The following FBRS variants were observed in gnomAD, a reference collection of about 807,000 sequenced individuals.
FBRS encodes the protein fibrosin, also known as probable fibrosin-1.
A neutral mutation model predicts 86.1 loss-of-function variants in FBRS; 15 were observed. That is an observed-to-expected ratio of 0.17 (90% CI 0.12 to 0.27). The LOEUF is 0.27. FBRS is among the 10% of genes least tolerant of loss of function. The pLI, the probability that FBRS is intolerant of heterozygous loss-of-function variation, is 1.00. For missense variants in FBRS, 1,367 were observed against 1,301.6 expected, an observed-to-expected ratio of 1.05 and a Z score of -0.77; for synonymous variants, 666 against 575.8, an observed-to-expected ratio of 1.16 and a Z score of -2.24.
rs2052581378 is a variant in FBRS, at chr16:30,670,280, A to C, written c.*635A>C. ...GGGACAGTCAGGCTTCTCCCTGGGA[A>C]GGTGGGGCCAGCAGGAGATGACCAA... On this transcript the variant is annotated 3_prime_UTR_variant, in exon 18 of 18. Transcript: ENST00000356166. 1 of 445,722 alleles carries C rather than the reference A, an allele frequency of 2.2e-6. No homozygotes were observed. The highest frequency in any genetic ancestry group is 1.6e-5 in the South Asian group (1 of 63,474). The allele number at this position is 445,722 out of a possible 1,614,324, so 27.6% of individuals were successfully genotyped here.
At chr16:30,666,457 C>G in intron 11 of FBRS, 55 bp from the exon 12 acceptor site, 1 of 1,611,958 alleles carries the variant, frequency 6.2e-7, no homozygotes, top group Non-Finnish European at 8.5e-7. Flanking sequence ...ATGCGAGGCG[C>G]CTGGCCCAGG....
chr16:30,661,393 A>C, intron 4 of FBRS, 60 bp downstream of exon 4: 3 of 1,550,570 alleles, frequency 1.9e-6, no homozygotes, highest in Non-Finnish European at 2.6e-6. Flanking sequence ...ACTGCAGCAT[A>C]AAGGTCTTCT....
rs2052574478 is a variant in FBRS, at chr16:30,669,696, A to C, written c.*51A>C. The C allele has an allele frequency of 2.4e-5, 36 of 1,526,156 alleles. No homozygotes were observed. The highest frequency in any genetic ancestry group is 3.5e-4 in the Middle Eastern group (2 of 5,726). 94.5% of individuals were successfully genotyped at this position (1,526,156 alleles called of 1,614,324 possible). On this transcript the variant is annotated 3_prime_UTR_variant, in exon 18 of 18. Coordinates refer to ENST00000356166, the MANE Select transcript of FBRS (RefSeq NM_001105079.3). This position sits in a 1 kb window ranked among gnomAD's most constrained non-coding sequence, Gnocchi z 5.9. ...AGCTCCATCTCCCCTTCCTTTAACCAGGTCCTAGGGCTGAGGTTTTAAGCC... is the reference window on the plus strand; with the variant it reads ...AGCTCCATCTCCCCTTCCTTTAACCCGGTCCTAGGGCTGAGGTTTTAAGCC...
In FBRS at chr16:30,669,228, C is replaced by CT; in HGVS notation, c.2526_2527insT (p.Ala843CysfsTer18). The CT allele has an allele frequency of 6.5e-7, 1 of 1,543,400 alleles. No individual in the cohort carries two copies. The highest frequency in any genetic ancestry group is 2.5e-5 in the East Asian group (1 of 40,702). On this transcript the variant is annotated frameshift_variant, in exon 18 of 18. Coordinates refer to ENST00000356166, the MANE Select transcript of FBRS (RefSeq NM_001105079.3). LOFTEE classifies it high-confidence loss of function. The surrounding 1 kb of genome is among the most constrained non-coding windows in gnomAD (Gnocchi z 5.9). Reference sequence around the variant, plus strand: ...CCGCTGCCGCTGCTGCTGCCGCCGCCGCTGCCGCCGCCGCAGCAGCCACTG... The same window carrying CT: ...CCGCTGCCGCTGCTGCTGCCGCCGCCTGCTGCCGCCGCCGCAGCAGCCACTG...
At chr16:30,664,587 A>C in intron 7 of FBRS, 71 bp downstream of exon 7, 1 of 1,431,058 alleles carries the variant, frequency 7.0e-7, no homozygotes, top group South Asian at 1.5e-5. Context: ...GCTTTGGGGC[A>C]CCTGAGCCTC....
In FBRS at chr16:30,668,809, G is replaced by C. The variant is rs781077356; in HGVS notation, c.2196G>C (p.Gly732=). ...TCTTTGCCCAGAAAGAAAGCCCAGG[G>C]GCCCCACCAGCCTTCGCCTCCCCAC... ...GAVFAQKESP[G]APPAFASPPD... is the part of the protein sequence containing the mutation. The change falls in exon 17 of 18, where the codon GGG becomes GGC. Residue 732 remains glycine (G), a synonymous_variant. Transcript: ENST00000356166. 10 of 1,599,104 alleles carry C rather than the reference G, an allele frequency of 6.3e-6. No homozygotes were observed. The Admixed American group carries it at 1.7e-4, about 27-fold the overall frequency.
chr16:30,660,058 T>G (rs1247806282), intron 1 of FBRS, 81 bp downstream of exon 1: 2 of 1,481,814 alleles, frequency 1.3e-6, no homozygotes, highest in East Asian at 2.7e-5. Flanking sequence ...TGGGTGGAGT[T>G]GAGGGGGGAA....
At chr16:30,666,214 A>G (rs533785189) in intron 11 of FBRS, 10 of 568,862 alleles carry the variant, frequency 1.8e-5, no homozygotes, top group East Asian at 1.5e-4. Context: ...ACAGACCGCT[A>G]TACTCTAAAG....
In FBRS at chr16:30,665,347, G is replaced by A. The variant is rs762913614; in HGVS notation, c.1650G>A (p.Pro550=). Residue 550 remains proline, a synonymous_variant, in exon 10 of 18, where the codon CCG becomes CCA. Coordinates refer to ENST00000356166, the MANE Select transcript of FBRS (RefSeq NM_001105079.3). The surrounding 1 kb of genome is among the most constrained non-coding windows in gnomAD (Gnocchi z 4.1). ...AFPPAVPGLP[P]GLPPAVSFGS... ...CTCCCGCAGTGCCCGGGCTGCCTCC[G>A]GGCCTCCCGCCGGCCGTCTCCTTTG... The A allele has an allele frequency of 2.0e-5, 32 of 1,567,518 alleles. No individual in the cohort carries two copies. Among genetic ancestry groups the A allele is most frequent in the East Asian group, 1.2e-4 (5 of 41,964 alleles).
Position 30,669,469 on chromosome 16 carries a change from C to T in FBRS, c.2767C>T (p.Pro923Ser). The T allele has an allele frequency of 3.1e-6, 5 of 1,613,238 alleles. No individual in the cohort carries two copies. Among genetic ancestry groups the T allele is most frequent in the Non-Finnish European group, 4.2e-6 (5 of 1,179,814 alleles). Reference sequence around the variant, plus strand: ...CCTCTACGGTCTGGAACCTGCTCACCCCTTGCTCTACAGCCGCTTGGCTCC... The same window carrying T: ...CCTCTACGGTCTGGAACCTGCTCACTCCTTGCTCTACAGCCGCTTGGCTCC... ...ARLYGLEPAHPLLYSRLAPPP... is the reference protein window; with the variant it reads ...ARLYGLEPAHSLLYSRLAPPP... The change falls in exon 18 of 18, where the codon CCC (proline) becomes TCC (serine). Residue 923 changes from proline to serine, a missense_variant. By Grantham distance (74) the Pro-to-Ser change is moderately conservative. Transcript: ENST00000356166. This position sits in a 1 kb window ranked among gnomAD's most constrained non-coding sequence, Gnocchi z 5.9.
chr16:30,667,667 C>T, intron 15 of FBRS, 45 bp downstream of exon 15: 2 of 1,432,532 alleles, frequency 1.4e-6, no homozygotes, highest in Non-Finnish European at 9.3e-7. Flanking sequence ...TTGTCCCTGA[C>T]TTCCAGGAGA....
At position 30,669,468 on chromosome 16, in the gene FBRS, C is replaced by T; in HGVS notation, c.2766C>T (p.His922=). The T allele has an allele frequency of 6.2e-7, 1 of 1,613,214 alleles. No homozygotes were observed. The stretch of plus-strand genomic sequence containing the variant: ...GCCTCTACGGTCTGGAACCTGCTCA[C>T]CCCTTGCTCTACAGCCGCTTGGCTC... ...AARLYGLEPA[H]PLLYSRLAPP... The change falls in exon 18 of 18, where the codon CAC becomes CAT. Residue 922 remains histidine, a synonymous_variant. Coordinates refer to ENST00000356166, the MANE Select transcript of FBRS (RefSeq NM_001105079.3). This position sits in a 1 kb window ranked among gnomAD's most constrained non-coding sequence, Gnocchi z 5.9.
chr16:30,669,546 C>G lies in FBRS; in HGVS notation c.2844C>G (p.Thr948=). 6.2e-7 allele frequency: 1 copy of G among 1,612,912 alleles called. No individual in the cohort carries two copies. Among genetic ancestry groups the G allele is most frequent in the East Asian group, 2.2e-5 (1 of 44,872 alleles). ...APGTPHLLSK[T]PPGALLGAPP... is the part of the protein sequence containing the mutation. The stretch of plus-strand genomic sequence containing the variant: ...GAACCCCTCACCTTCTCAGCAAGAC[C>G]CCACCGGGAGCCCTTTTGGGGGCAC... The change falls in exon 18 of 18, where the codon ACC becomes ACG. Residue 948 remains threonine (T), a synonymous_variant. Coordinates refer to ENST00000356166, the MANE Select transcript of FBRS (RefSeq NM_001105079.3). The surrounding 1 kb of genome is among the most constrained non-coding windows in gnomAD (Gnocchi z 5.9).
chr16:30,662,972 A>ATTT, intron 6 of FBRS, 113 bp downstream of exon 6: 3 of 1,324,868 alleles, frequency 2.3e-6, no homozygotes, highest in Non-Finnish European at 2.9e-6. Context: ...GAGACTGAAA[A>ATTT]GTTTGAGAAA....
rs369306779 is a variant in FBRS, at chr16:30,669,369, A to G, written c.2667A>G (p.Pro889=). 3 of 1,612,280 alleles carry G rather than the reference A, an allele frequency of 1.9e-6. No individual in the cohort carries two copies. Among genetic ancestry groups the G allele is most frequent in the South Asian group, 2.2e-5 (2 of 91,052 alleles). Residue 889 remains proline (P), a synonymous_variant, in exon 18 of 18, where the codon CCA becomes CCG. Transcript: ENST00000356166. The surrounding 1 kb of genome is among the most constrained non-coding windows in gnomAD (Gnocchi z 5.9). The stretch of plus-strand genomic sequence containing the variant: ...AGCCAACCTGGTTGGCAGCACCCCC[A>G]CGCCTGGCAAGGCCACCCCGCTTCT... ...FLEPTWLAAP[P]RLARPPRFYE...
Position 30,659,537 on chromosome 16 carries a change from G to T in FBRS, c.19G>T (p.Ala7Ser). The T allele has an allele frequency of 3.3e-6, 1 of 305,934 alleles. No individual in the cohort carries two copies. The highest frequency in any genetic ancestry group is 5.4e-5 in the East Asian group (1 of 18,634). The allele number at this position is 305,934 out of a possible 1,614,324, so 19.0% of individuals were successfully genotyped here. A position where few individuals can be genotyped will look rare whatever the true frequency, so the allele number is the denominator to read the frequency against. METAAA[A>S]APGPGWAAEG... ...GGTCGCCATGGAGACGGCAGCGGCC[G>T]CGGCCCCGGGTCCGGGCTGGGCAGC... Residue 7 changes from alanine to serine, a missense_variant, in exon 1 of 18, where the codon GCG becomes TCG. Physicochemically the swap from Ala to Ser is moderately conservative, Grantham distance 99 (BLOSUM62 1). Around this residue, in one of 3 missense-constraint regions of FBRS, gnomAD observed 702 missense variants for 598.7 expected, o/e 1.17. Transcript: ENST00000356166.
At chr16:30,660,092 A>C in intron 1 of FBRS, 115 bp downstream of exon 1, 1 of 1,447,470 alleles carries the variant, frequency 6.9e-7, no homozygotes, top group Non-Finnish European at 9.1e-7. Context: ...AACCAGAGCA[A>C]CCGGCTCCTC....
In FBRS at chr16:30,668,850, G is replaced by A. The variant is rs111835702; in HGVS notation, c.2237G>A (p.Arg746His). 4.5e-5 allele frequency: 71 copies of A among 1,591,262 alleles called. No homozygotes were observed. The highest frequency in any genetic ancestry group is 3.7e-5 in the Non-Finnish European group (44 of 1,173,838). The change falls in exon 17 of 18, where the codon CGC becomes CAC. Residue 746 changes from arginine (R) to histidine (H), a missense_variant. By Grantham distance (29) the Arg-to-His change is conservative. This residue lies in a region of FBRS where 659 missense variants were observed against 678.8 expected (regional missense o/e 0.97). Transcript: ENST00000356166. Reference protein sequence around the residue: ...AFASPPDPWGRLHRSPLTFPA... With the variant: ...AFASPPDPWGHLHRSPLTFPA... ...GCCTCCCCACCGGACCCATGGGGCC[G>A]CCTGCACCGCAGTCCTCTGACCTTT... is the stretch of plus-strand genomic sequence containing the variant.
rs922529394 is a variant in FBRS, at chr16:30,670,572, A to G, written c.*927A>G. ...CTAAGGGTGGCCAGAGAAGGTCACC[A>G]TGTACCACACACCAAAGAAGGGGGT... On this transcript the variant is annotated 3_prime_UTR_variant, in exon 18 of 18. Transcript: ENST00000356166. The G allele has an allele frequency of 7.8e-5, 17 of 216,702 alleles. No individual in the cohort carries two copies. The highest frequency in any genetic ancestry group is 3.8e-5 in the Non-Finnish European group (4 of 106,202). The allele number at this position is 216,702 out of a possible 1,614,324, so 13.4% of individuals were successfully genotyped here.
Sources: allele counts gnomAD v4.1 joint callset, GRCh38; gene constraint gnomAD v4.1.1; regional missense constraint gnomAD v4.1.1; non-coding constraint Gnocchi (gnomAD v3.1); transcripts MANE v1.5; gene names NCBI Gene and HGNC (gene_info 2026-07-23, HGNC 2026-07-21).